The following TEAD1 variants were observed in gnomAD, a reference collection of about 807,000 sequenced individuals.
TEAD1 encodes the protein TEA domain transcription factor 1, also known as transcriptional enhancer factor TEF-1.
A neutral mutation model predicts 54.9 loss-of-function variants in TEAD1; 9 were observed. The observed-to-expected ratio is 0.16, with a 90% CI of 0.10 to 0.29. TEAD1 has a LOEUF of 0.29. Ranked by LOEUF, TEAD1 falls within the 10% of genes least tolerant of loss-of-function variation. TEAD1 has a pLI of 1.00. For missense variants in TEAD1, 387 were observed against 535.9 expected (o/e 0.72, Z 2.74); for synonymous variants, 200 against 187.8 (o/e 1.07, Z -0.53).
intron 2 of TEAD1, among the ~76,000 whole-genome samples, chr11:12,735,560 C>T (rs185739812): frequency 4.1e-5 from 6 of 146,158 alleles, no homozygotes; most frequent in Non-Finnish European, 6.0e-5. Flanking sequence ...TTTCCTGGTT[C>T]GATTTTTTTT....
intron 3 of TEAD1, among the ~76,000 whole-genome samples, chr11:12,843,464 A>G (rs1348821595): frequency 6.6e-6 from 1 of 152,240 alleles, no homozygotes; most frequent in East Asian, 1.9e-4. Flanking sequence ...GCTACGAAGT[A>G]AGTAATTACA....
intron 10 of TEAD1, among the ~76,000 whole-genome samples, chr11:12,910,726 T>G (rs1271699041): frequency 6.6e-6 from 1 of 151,448 alleles, no homozygotes. Context: ...AACAATACTG[T>G]CTACATAGTT....
chr11:12,811,282 A>G (rs1946295303), intron 3 of TEAD1, among the ~76,000 whole-genome samples: 2 of 152,204 alleles, frequency 1.3e-5, no homozygotes, highest in South Asian at 4.1e-4. Context: ...ATATGGGAGC[A>G]GTTTTCTTTC....
At chr11:12,932,523 A>G (rs534351306) in intron 12 of TEAD1, among the ~76,000 whole-genome samples, 10 of 152,280 alleles carry the variant, frequency 6.6e-5, no homozygotes, top group African/African-American at 1.9e-4. Context: ...CACAGCTAAG[A>G]TAAATGTGGC....
At chr11:12,727,023 T>G (rs1481948869) in intron 2 of TEAD1, among the ~76,000 whole-genome samples, 1 of 151,966 alleles carries the variant, frequency 6.6e-6, no homozygotes, top group African/African-American at 2.4e-5. Context: ...GCAGATCACT[T>G]GAGGTCAGGA....
At chr11:12,858,928 G>A (rs1947444832) in intron 3 of TEAD1, among the ~76,000 whole-genome samples, 1 of 152,190 alleles carries the variant, frequency 6.6e-6, no homozygotes, top group Non-Finnish European at 1.5e-5. Context: ...AACCTGTCTG[G>A]TGTTAACTGT....
At chr11:12,803,241 A>C (rs1446240460) in intron 3 of TEAD1, among the ~76,000 whole-genome samples, 1 of 151,790 alleles carries the variant, frequency 6.6e-6, no homozygotes, top group East Asian at 1.9e-4. Context: ...ATGATTAGTC[A>C]TCTTGAAACC....
chr11:12,817,438 TATTTTGCCAGATGTAAAC>T (rs879845087), intron 3 of TEAD1, among the ~76,000 whole-genome samples: 21 of 152,194 alleles, frequency 1.4e-4, no homozygotes, highest in Non-Finnish European at 2.8e-4. Flanking sequence ...CTATTTTAAT[TATTTTGCCAGATGTAAAC>T]ATTTTCCCTT....
chr11:12,796,725 C>CA (rs538261179), intron 3 of TEAD1, among the ~76,000 whole-genome samples: 1,413 of 136,120 alleles, frequency 0.01, 14 homozygotes, highest in African/African-American at 0.027. Flanking sequence ...GATCCTGACT[C>CA]AAAAAAAAAA....
chr11:12,735,599 A>G (rs1357272655), intron 2 of TEAD1, among the ~76,000 whole-genome samples: 1 of 131,148 alleles, frequency 7.6e-6, no homozygotes, highest in East Asian at 2.2e-4. Context: ...ACTGTGTGCT[A>G]TGCACTGTTC....
chr11:12,725,120 C>G (rs1299971496), intron 2 of TEAD1, among the ~76,000 whole-genome samples: 2 of 152,050 alleles, frequency 1.3e-5, no homozygotes, highest in African/African-American at 4.8e-5. Context: ...TTGGTTTGGC[C>G]CTTTACAGTG....
In TEAD1 at chr11:12,889,434, G is replaced by T. The variant is rs943929897; in HGVS notation, c.699+6309G>T. ...GGCAGCAGCTGGCAAACCCCTGCCT[G>T]CTCAGACTGCCCGGTCACCAGGCTG... On this transcript the variant is annotated intron_variant, in intron 9 of 12. Transcript: ENST00000527636. Among the ~76,000 whole-genome samples the T allele has an allele frequency of 2.6e-5, 4 of 152,192 alleles. No individual in the cohort carries two copies. The East Asian group carries it at 5.8e-4, about 22-fold the overall frequency.
intron 2 of TEAD1, among the ~76,000 whole-genome samples, chr11:12,725,592 G>A (rs529489012): frequency 1.2e-4 from 18 of 147,860 alleles, no homozygotes; most frequent in Non-Finnish European, 2.4e-4. Context: ...TCATAAATAC[G>A]TAAAGTATTA....
chr11:12,837,679 T>TCTTCCTTCTTTCTC (rs1554940139), intron 3 of TEAD1, among the ~76,000 whole-genome samples: 8 of 147,840 alleles, frequency 5.4e-5, no homozygotes, highest in Non-Finnish European at 8.9e-5. Context: ...CCTTCTTCCT[T>TCTTCCTTCTTTCTC]CTTTCTCCCT....
chr11:12,831,796 AT>A (rs1168750277), intron 3 of TEAD1, among the ~76,000 whole-genome samples: 24 of 151,600 alleles, frequency 1.6e-4, no homozygotes, highest in Non-Finnish European at 5.9e-5. Flanking sequence ...AAAAAAAAAA[AT>A]GTAGAGTCTC....
At chr11:12,839,372 C>G (rs1051909426) in intron 3 of TEAD1, among the ~76,000 whole-genome samples, 1 of 152,214 alleles carries the variant, frequency 6.6e-6, no homozygotes, top group Non-Finnish European at 1.5e-5. Context: ...GAGCGTGACA[C>G]TGTACTCCAG....
chr11:12,912,367 T>A (rs1263917959), intron 10 of TEAD1, among the ~76,000 whole-genome samples: 1 of 152,080 alleles, frequency 6.6e-6, no homozygotes, highest in Admixed American at 6.6e-5. Context: ...GTGGAACCCT[T>A]TTTGCCTGAG....
rs900153303 is a variant in TEAD1, at chr11:12,833,271, G to A, written c.203-28979G>A. Among the ~76,000 whole-genome samples, 6 of 152,128 alleles carry A rather than the reference G, an allele frequency of 3.9e-5. No homozygotes were observed. The South Asian group carries it at 6.2e-4, about 16-fold the overall frequency. The stretch of plus-strand genomic sequence containing the variant: ...TATTTTTAATCAAGACTTTATCAAT[G>A]AGTTGAAAAAAGAAGATTTGGGGGG... On this transcript the variant is annotated intron_variant, in intron 3 of 12. Transcript: ENST00000527636.
intron 5 of TEAD1, among the ~76,000 whole-genome samples, chr11:12,877,499 A>G (rs1026490494): frequency 1.3e-5 from 2 of 152,214 alleles, no homozygotes; most frequent in Admixed American, 1.3e-4. Flanking sequence ...CTAAAAAGAC[A>G]AATACAAAAA....
Sources: allele counts gnomAD v4.1 joint callset (sites outside exome capture counted in the v4.1 genomes callset), GRCh38; gene constraint gnomAD v4.1.1; transcripts MANE v1.5; gene names NCBI Gene and HGNC (gene_info 2026-07-23, HGNC 2026-07-21).